The following SLC2A12 variants were observed in gnomAD, a reference collection of about 807,000 sequenced individuals.
SLC2A12 encodes solute carrier family 2 member 12.
In SLC2A12, 23 loss-of-function variants were observed where a neutral mutation model predicts 41.8. The observed-to-expected ratio is 0.55, with a 90% CI of 0.40 to 0.78. The LOEUF (loss-of-function observed/expected upper bound fraction) is 0.78. Among genes scored for constraint, SLC2A12 ranks in the 30% least tolerant of loss-of-function variants. SLC2A12 has a pLI of 0.00. For synonymous variants in SLC2A12, 295 were observed against 285.9 expected (o/e 1.03, Z -0.32); for missense variants, 654 against 745.6 (o/e 0.88, Z 1.43).
chr6:134,017,457 T>C (rs1039514262), intron 2 of SLC2A12, among the ~76,000 whole-genome samples: 4 of 152,174 alleles, frequency 2.6e-5, no homozygotes, highest in Admixed American at 1.3e-4. Context: ...GCCCCAGTTG[T>C]AGGCCAGGTG....
At chr6:134,043,349 C>T (rs971777233) in intron 1 of SLC2A12, among the ~76,000 whole-genome samples, 1 of 151,922 alleles carries the variant, frequency 6.6e-6, no homozygotes, top group African/African-American at 2.4e-5. Context: ...AGGAAGGAGG[C>T]ATGTGGATTT....
chr6:134,003,030 C>G (rs1352730539), intron 3 of SLC2A12, among the ~76,000 whole-genome samples: 7 of 152,188 alleles, frequency 4.6e-5, no homozygotes, highest in Non-Finnish European at 8.8e-5. Flanking sequence ...GAGTAGTCAA[C>G]TACGAACAAC....
At chr6:133,997,085 CA>C (rs58295985) in intron 4 of SLC2A12, among the ~76,000 whole-genome samples, 1,049 of 70,652 alleles carry the variant, frequency 0.015, 7 homozygotes, top group African/African-American at 0.042. Flanking sequence ...ACTAAAAATA[CA>C]AAAAAAAAAA....
At chr6:134,036,849 T>A (rs1219484479) in intron 1 of SLC2A12, among the ~76,000 whole-genome samples, 2 of 152,216 alleles carry the variant, frequency 1.3e-5, no homozygotes, top group African/African-American at 4.8e-5. Context: ...TAGCACCATT[T>A]CAGGGACCAT....
intron 3 of SLC2A12, among the ~76,000 whole-genome samples, chr6:134,005,659 T>TGAAAAAAAAA (rs1406443549): frequency 1.5e-5 from 1 of 64,960 alleles, no homozygotes; most frequent in Non-Finnish European, 2.7e-5. Flanking sequence ...GACTCTGTCT[T>TGAAAAAAAAA]AAAAAAAAAA....
Position 134,029,212 on chromosome 6 carries a change from G to T in SLC2A12, c.613C>A (p.Pro205Thr), listed in dbSNP as rs1190511337. Reference sequence around the variant, plus strand: ...GCAATTGCTTGCAAAACTCCCAAGGGAATCACAAGACCAAACATGTACTTC... The same window carrying T: ...GCAATTGCTTGCAAAACTCCCAAGGTAATCACAAGACCAAACATGTACTTC... Reference protein sequence around the residue: ...GWKYMFGLVIPLGVLQAIAMY... With the variant: ...GWKYMFGLVITLGVLQAIAMY... Residue 205 changes from proline (P) to threonine (T), a missense_variant, in exon 2 of 5, where the codon CCC (proline) becomes ACC (threonine). By Grantham distance (38) the Pro-to-Thr change is conservative. Around this residue, in one of 3 missense-constraint regions of SLC2A12, gnomAD observed 411 missense variants for 412.1 expected, o/e 1.00. Transcript: ENST00000275230. 2 of 1,614,014 alleles carry T rather than the reference G, an allele frequency of 1.2e-6. No individual in the cohort carries two copies. The highest frequency in any genetic ancestry group is 1.3e-5 in the African/African-American group (1 of 74,922).
chr6:134,028,693 T>C lies in SLC2A12; in HGVS notation c.1132A>G (p.Ser378Gly), dbSNP rs1777149509. The change falls in exon 2 of 5, where the codon AGC becomes GGC. Residue 378 changes from serine (S) to glycine (G), a missense_variant. By Grantham distance (56) the Ser-to-Gly change is moderately conservative. Transcript: ENST00000275230. Reference sequence around the variant, plus strand: ...AAGGACTGGTTGATAGAATTGTGGCTTCTGCAGATATGGGTGAAGTTCATG... The same window carrying C: ...AAGGACTGGTTGATAGAATTGTGGCCTCTGCAGATATGGGTGAAGTTCATG... ...IHMNFTHICR[S>G]HNSINQSLDE... 1 of 1,614,068 alleles carries C rather than the reference T, an allele frequency of 6.2e-7. No individual in the cohort carries two copies. The highest frequency in any genetic ancestry group is 1.3e-5 in the African/African-American group (1 of 74,928).
chr6:134,019,382 CTG>C (rs1467285855), intron 2 of SLC2A12, among the ~76,000 whole-genome samples: 2 of 152,152 alleles, frequency 1.3e-5, no homozygotes, highest in Non-Finnish European at 2.9e-5. Flanking sequence ...TCACGTTGTT[CTG>C]TGTCTTCACA....
intron 2 of SLC2A12, among the ~76,000 whole-genome samples, chr6:134,017,604 G>A (rs1776978552): frequency 1.3e-5 from 2 of 152,008 alleles, no homozygotes; most frequent in African/African-American, 4.8e-5. Flanking sequence ...TGTAATCCCA[G>A]CACTTTGGGA....
In SLC2A12 at chr6:134,029,107, A is replaced by G; in HGVS notation, c.718T>C (p.Leu240=). Residue 240 remains leucine, a synonymous_variant, in exon 2 of 5, where the codon TTA becomes CTA. Coordinates refer to ENST00000275230, the MANE Select transcript of SLC2A12 (RefSeq NM_145176.3). ...TCAGTTGTATCTGAGAGTGCTCTTA[A>G]CCTTCCAAGAACCTTGCTAGCAGCT... The part of the protein sequence containing the change: ...EGAASKVLGR[L]RALSDTTEEL... 6.2e-7 allele frequency: 1 copy of G among 1,614,136 alleles called. No homozygotes were observed. Among genetic ancestry groups the G allele is most frequent in the Non-Finnish European group, 8.5e-7 (1 of 1,180,030 alleles).
rs144078437 is a variant in SLC2A12 at position 134,029,016 on chromosome 6, C to A, written c.809G>T (p.Arg270Leu). ...EYQYSFWDLF[R>L]SKDNMRTRIM... is the part of the protein sequence containing the mutation. ...TCGGGTCCGCATGTTGTCTTTTGAA[C>A]GAAACAGATCCCAAAAACTGTACTG... Residue 270 changes from arginine to leucine, a missense_variant, in exon 2 of 5, where the codon CGT becomes CTT. Physicochemically the swap from Arg to Leu is moderately radical, Grantham distance 102 (BLOSUM62 -2). Coordinates refer to ENST00000275230, the MANE Select transcript of SLC2A12 (RefSeq NM_145176.3). 29 of 1,614,048 alleles carry A rather than the reference C, an allele frequency of 1.8e-5. No individual in the cohort carries two copies. The Admixed American group carries it at 3.5e-4, about 19-fold the overall frequency.
intron 1 of SLC2A12, among the ~76,000 whole-genome samples, chr6:134,042,965 TCAAAACAAAACAAAA>T (rs71803176): frequency 0.09 from 13,396 of 149,560 alleles, 1,264 homozygotes; most frequent in African/African-American, 0.24. Context: ...ACACTCTGTC[TCAAAACAAAACAAAA>T]CAAAACAAAA....
chr6:134,052,250 TACACAC>T (rs55702666), intron 1 of SLC2A12, 122 bp downstream of exon 1: 12,395 of 370,762 alleles, frequency 0.033, 159 homozygotes, highest in African/African-American at 0.077. Flanking sequence ...CGCGCGCGCA[TACACAC>T]ACACACACAC....
intron 4 of SLC2A12, among the ~76,000 whole-genome samples, chr6:133,994,796 G>A (rs565031915): frequency 6.6e-6 from 1 of 152,174 alleles, no homozygotes; most frequent in Non-Finnish European, 1.5e-5. Flanking sequence ...GTGGTCAGGG[G>A]ACTAAGCCCC....
At chr6:134,012,537 AAAT>A (rs1223892057) in intron 2 of SLC2A12, among the ~76,000 whole-genome samples, 3 of 152,252 alleles carry the variant, frequency 2.0e-5, no homozygotes, top group Non-Finnish European at 4.4e-5. Context: ...CCATAAATTT[AAAT>A]AATAGCAAAG....
At chr6:134,037,853 C>T (rs1173121046) in intron 1 of SLC2A12, among the ~76,000 whole-genome samples, 2 of 152,176 alleles carry the variant, frequency 1.3e-5, no homozygotes, top group Non-Finnish European at 2.9e-5. Context: ...GAAGGCTCAC[C>T]TCCTATAACC....
intron 1 of SLC2A12, among the ~76,000 whole-genome samples, chr6:134,035,360 CT>C (rs1777282441): frequency 6.6e-6 from 1 of 152,094 alleles, no homozygotes; most frequent in African/African-American, 2.4e-5. Flanking sequence ...CACTCTCTCC[CT>C]TTTCCCTTGA....
At chr6:133,997,260 A>G (rs534178282) in intron 4 of SLC2A12, among the ~76,000 whole-genome samples, 17 of 152,114 alleles carry the variant, frequency 1.1e-4, no homozygotes, top group South Asian at 1.0e-3. Context: ...CTCCATCTCA[A>G]AAAAAAGTTA....
chr6:133,996,179 G>A (rs9493793), intron 4 of SLC2A12, among the ~76,000 whole-genome samples: 101,300 of 152,164 alleles, frequency 0.67, 35,601 homozygotes, highest in African/African-American at 0.9. Flanking sequence ...TTGGATGGAT[G>A]GATGAATGAA....
Sources: gnomAD v4.1 joint callset for allele counts (sites outside exome capture counted in the v4.1 genomes callset) on GRCh38, gnomAD v4.1.1 for gene constraint, gnomAD v4.1.1 regional missense constraint, MANE v1.5 for transcripts, NCBI Gene and HGNC (gene_info 2026-07-23, HGNC 2026-07-21) for gene names.